SLC8A1: variants seen among roughly 807,000 people sequenced by gnomAD.
SLC8A1 encodes sodium/calcium exchanger 1.
In SLC8A1, 18 loss-of-function variants were observed where a neutral mutation model predicts 68.3. That is an observed-to-expected ratio of 0.26 (90% CI 0.18 to 0.39). The LOEUF (loss-of-function observed/expected upper bound fraction) is 0.39, where lower values mean the gene tolerates loss of function less well. Ranked by LOEUF, SLC8A1 falls within the 10% of genes least tolerant of loss-of-function variation. SLC8A1 has a pLI of 1.00. For synonymous variants in SLC8A1, 475 were observed against 415.5 expected, an observed-to-expected ratio of 1.14 and a Z score of -1.74; for missense variants, 985 against 1,156.7, an observed-to-expected ratio of 0.85 and a Z score of 2.15.
At chr2:40,417,843 G>T (rs1694323567) in intron 2 of SLC8A1, among the ~76,000 whole-genome samples, 1 of 149,662 alleles carries the variant, frequency 6.7e-6, no homozygotes. Flanking sequence ...GATAGCTGGA[G>T]TCAGGCACAC....
At chr2:40,119,464 G>A (rs950241848) in intron 7 of SLC8A1, among the ~76,000 whole-genome samples, 1 of 152,166 alleles carries the variant, frequency 6.6e-6, no homozygotes, top group African/African-American at 2.4e-5. Flanking sequence ...CCGCTTTGCT[G>A]CTCAGCACAT....
At chr2:40,425,639 G>C (rs1420162910) in intron 2 of SLC8A1, among the ~76,000 whole-genome samples, 1 of 151,644 alleles carries the variant, frequency 6.6e-6, no homozygotes, top group African/African-American at 2.4e-5. Context: ...TTTTGAAGGA[G>C]GACATCTTTC....
intron 2 of SLC8A1, among the ~76,000 whole-genome samples, chr2:40,370,400 G>C (rs1677646819): frequency 6.6e-6 from 1 of 151,982 alleles, no homozygotes; most frequent in Non-Finnish European, 1.5e-5. Flanking sequence ...AGGCTCTCTG[G>C]TGCCTCTTTT....
At chr2:40,107,527 G>A (rs2034292156) in exon 8 of SLC8A1, 1 of 151,916 alleles carries the variant, frequency 6.6e-6, no homozygotes, top group Middle Eastern at 3.2e-3. Flanking sequence ...TGCTAAAAAA[G>A]AAAGAAAAAT....
intron 2 of SLC8A1, among the ~76,000 whole-genome samples, chr2:40,310,969 A>C (rs2073561821): frequency 6.6e-6 from 1 of 152,190 alleles, no homozygotes; most frequent in Non-Finnish European, 1.5e-5. Flanking sequence ...AATTGTCTAA[A>C]TACCTGGAGT....
intron 7 of SLC8A1, among the ~76,000 whole-genome samples, chr2:40,119,960 T>G (rs962670501): frequency 6.6e-6 from 1 of 152,204 alleles, no homozygotes; most frequent in African/African-American, 2.4e-5. Flanking sequence ...CTGCCTCAAG[T>G]TCATGGTATA....
chr2:40,459,260 T>A (rs1384065258), intron 1 of SLC8A1, among the ~76,000 whole-genome samples: 1 of 152,180 alleles, frequency 6.6e-6, no homozygotes, highest in South Asian at 2.1e-4. Context: ...TTAGGGAAAG[T>A]ACTAGTTTAG....
At chr2:40,221,284 A>G (rs1428275477) in intron 2 of SLC8A1, among the ~76,000 whole-genome samples, 1 of 152,228 alleles carries the variant, frequency 6.6e-6, no homozygotes, top group African/African-American at 2.4e-5. Context: ...CAAAAACCAC[A>G]TGATTATCTC....
chr2:40,177,434 G>C (rs1196382675), intron 3 of SLC8A1, among the ~76,000 whole-genome samples: 1 of 152,164 alleles, frequency 6.6e-6, no homozygotes, highest in African/African-American at 2.4e-5. Context: ...AATAATTGGA[G>C]TGACATTTTA....
At chr2:40,397,356 C>G (rs746514145) in intron 2 of SLC8A1, among the ~76,000 whole-genome samples, 1 of 152,164 alleles carries the variant, frequency 6.6e-6, no homozygotes, top group Non-Finnish European at 1.5e-5. Flanking sequence ...AATTCAGAGG[C>G]AGTTCCAACA....
At chr2:40,397,950 C>G (rs137912795) in intron 2 of SLC8A1, among the ~76,000 whole-genome samples, 184 of 152,242 alleles carry the variant, frequency 1.2e-3, no homozygotes, top group Non-Finnish European at 2.9e-4. Context: ...CTGTGGGACA[C>G]TGAACTTACA....
intron 2 of SLC8A1, among the ~76,000 whole-genome samples, chr2:40,397,827 AACTAGCT>A (rs1687467485): frequency 6.6e-6 from 1 of 152,168 alleles, no homozygotes; most frequent in South Asian, 2.1e-4. Flanking sequence ...AGACTTCTAC[AACTAGCT>A]ACATGACCCA....
chr2:40,277,724 T>C (rs2066907127), intron 2 of SLC8A1, among the ~76,000 whole-genome samples: 1 of 146,020 alleles, frequency 6.8e-6, no homozygotes, highest in Non-Finnish European at 1.5e-5. Flanking sequence ...ACTACATAAA[T>C]AAACCAAAAA....
intron 1 of SLC8A1, among the ~76,000 whole-genome samples, chr2:40,439,892 A>G (rs1700161817): frequency 6.6e-6 from 1 of 152,244 alleles, no homozygotes; most frequent in Middle Eastern, 3.4e-3. Flanking sequence ...GTATGCTACA[A>G]TTTTCTAAAG....
In SLC8A1 at chr2:40,200,185, T is replaced by TAA. The variant is rs1558720596; in HGVS notation, c.1809-22331_1809-22330insTT. 6.6e-3 allele frequency among the ~76,000 whole-genome samples: 68 copies of TAA among 10,362 alleles called. 5 individuals are homozygous for TAA. Among genetic ancestry groups the TAA allele is most frequent in the Non-Finnish European group, 0.015 (43 of 2,908 alleles). The allele number at this position is 10,362 out of a possible 152,430, so 6.8% of individuals were successfully genotyped here. A position where few individuals can be genotyped will look rare whatever the true frequency, so the allele number is the denominator to read the frequency against. On this transcript the variant is annotated intron_variant, in intron 2 of 7. Coordinates refer to ENST00000406785, the Ensembl canonical transcript of SLC8A1. ...ATTTCAAGTCATTGATATATATATA[T>TAA]ATATATTTATATATATATATAAATA...
chr2:40,359,738 G>C (rs1034666732), intron 2 of SLC8A1, among the ~76,000 whole-genome samples: 9 of 152,084 alleles, frequency 5.9e-5, no homozygotes, highest in Non-Finnish European at 1.2e-4. Flanking sequence ...AGAGTATATG[G>C]AAATATACAA....
intron 1 of SLC8A1, among the ~76,000 whole-genome samples, chr2:40,477,612 C>T (rs558788664): frequency 6.6e-6 from 1 of 152,310 alleles, no homozygotes; most frequent in East Asian, 1.9e-4. Flanking sequence ...TGAAGATGAA[C>T]TTCACAGCAT....
At chr2:40,403,130 GTATT>G (rs1689253955) in intron 2 of SLC8A1, among the ~76,000 whole-genome samples, 1 of 152,126 alleles carries the variant, frequency 6.6e-6, no homozygotes, top group African/African-American at 2.4e-5. Flanking sequence ...GATTAAATTG[GTATT>G]TAAAGTTAAT....
At chr2:40,361,682 T>C (rs1325736814) in intron 2 of SLC8A1, among the ~76,000 whole-genome samples, 3 of 151,910 alleles carry the variant, frequency 2.0e-5, no homozygotes, top group Non-Finnish European at 4.4e-5. Flanking sequence ...AATGATGTCA[T>C]CTGCAGTCAC....
Sources: gnomAD v4.1 joint callset for allele counts (sites outside exome capture counted in the v4.1 genomes callset) on GRCh38, gnomAD v4.1.1 for gene constraint, MANE v1.5 for transcripts, NCBI Gene and HGNC (gene_info 2026-07-23, HGNC 2026-07-21) for gene names.